The following C8orf89 variants were observed in gnomAD, a reference collection of about 807,000 sequenced individuals.
C8orf89 encodes the protein chromosome 8 open reading frame 89.
In C8orf89, 14 loss-of-function variants were observed where a neutral mutation model predicts 15.8. The observed-to-expected ratio is 0.89, with a 90% confidence interval of 0.59 to 1.39. The LOEUF (loss-of-function observed/expected upper bound fraction) is 1.39, where lower values mean the gene tolerates loss of function less well. Among genes scored for constraint, C8orf89 ranks in the 40% most tolerant of loss-of-function variants. C8orf89 has a pLI of 0.00. For synonymous variants in C8orf89, 55 were observed against 62.2 expected, an observed-to-expected ratio of 0.88 and a Z score of 0.54; for missense variants, 181 against 184.5, an observed-to-expected ratio of 0.98 and a Z score of 0.11.
At chr8:73,242,528 C>T (rs977908104) in intron 3 of C8orf89, among the ~76,000 whole-genome samples, 1 of 152,242 alleles carries the variant, frequency 6.6e-6, no homozygotes, top group Non-Finnish European at 1.5e-5. Context: ...GAAAAGAAGA[C>T]ACGCAAACAG....
chr8:73,277,921 C>G, the C8orf89 span: 1 of 673,988 alleles, frequency 1.5e-6, no homozygotes, highest in Non-Finnish European at 2.8e-6. Context: ...GTGCCGCTTT[C>G]TGGGGCTTAG....
the C8orf89 span, chr8:73,277,781 A>G: frequency 1.4e-6 from 1 of 736,456 alleles, no homozygotes; most frequent in Admixed American, 1.7e-5. Flanking sequence ...CTTCCCCTCA[A>G]CAGAGGAAAC....
upstream of C8orf89, among the ~76,000 whole-genome samples, chr8:73,263,678 G>A (rs1895259): frequency 0.48 from 73,614 of 151,962 alleles, 19,449 homozygotes; most frequent in Middle Eastern, 0.63. Flanking sequence ...GTCATGTCAA[G>A]CATGGAAGAT....
upstream of C8orf89, among the ~76,000 whole-genome samples, chr8:73,260,490 C>T (rs1304407546): frequency 6.6e-6 from 1 of 152,008 alleles, no homozygotes; most frequent in Non-Finnish European, 1.5e-5. Context: ...ACATATGTAA[C>T]AAACCTGCAC....
At chr8:73,244,625 G>C (rs1314953092) in intron 3 of C8orf89, among the ~76,000 whole-genome samples, 3 of 147,976 alleles carry the variant, frequency 2.0e-5, no homozygotes, top group African/African-American at 7.9e-5. Context: ...CTCCAGTGTA[G>C]TTGTTATTTT....
At chr8:73,262,320 C>A (rs561679952), upstream of C8orf89, among the ~76,000 whole-genome samples, 2 of 152,122 alleles carry the variant, frequency 1.3e-5, no homozygotes, top group Non-Finnish European at 2.9e-5. Flanking sequence ...CAGCGGACAT[C>A]TGCATTTCTG....
At chr8:73,284,459 C>T in the C8orf89 span, among the ~76,000 whole-genome samples, 26 of 151,802 alleles carry the variant, frequency 1.7e-4, no homozygotes, top group Admixed American at 1.2e-3. Flanking sequence ...GTGATCTGCC[C>T]GCCTCGGCCT....
the C8orf89 span, among the ~76,000 whole-genome samples, chr8:73,273,752 T>G: frequency 6.6e-6 from 1 of 151,432 alleles, no homozygotes; most frequent in Non-Finnish European, 1.5e-5. Flanking sequence ...ATGCCAGTTT[T>G]TTTTTTTTTT....
intron 3 of C8orf89, among the ~76,000 whole-genome samples, chr8:73,242,957 T>A (rs1426024737): frequency 6.6e-6 from 1 of 151,980 alleles, no homozygotes; most frequent in Non-Finnish European, 1.5e-5. Context: ...ATATACACAA[T>A]GGAGTACTAT....
At chr8:73,242,094 G>C (rs1457143876) in intron 3 of C8orf89, among the ~76,000 whole-genome samples, 2 of 152,124 alleles carry the variant, frequency 1.3e-5, no homozygotes, top group Admixed American at 1.3e-4. Context: ...AAGATTTCCT[G>C]AGTAATACCC....
At chr8:73,273,755 T>C in the C8orf89 span, among the ~76,000 whole-genome samples, 10 of 151,502 alleles carry the variant, frequency 6.6e-5, no homozygotes, top group Middle Eastern at 6.8e-3. Flanking sequence ...CCAGTTTTTT[T>C]TTTTTTTTCT....
the C8orf89 span, among the ~76,000 whole-genome samples, chr8:73,279,202 C>T: frequency 1.3e-5 from 2 of 152,290 alleles, no homozygotes; most frequent in South Asian, 4.1e-4. Context: ...CAGTTAATTT[C>T]CTTACATATT....
chr8:73,265,093 G>A, the C8orf89 span, among the ~76,000 whole-genome samples: 3 of 151,784 alleles, frequency 2.0e-5, no homozygotes, highest in Admixed American at 6.6e-5. Context: ...AAAAAAAAAA[G>A]AATCTAAAAT....
chr8:73,263,643 A>C (rs1813568222), upstream of C8orf89, among the ~76,000 whole-genome samples: 1 of 152,220 alleles, frequency 6.6e-6, no homozygotes, highest in Non-Finnish European at 1.5e-5. Context: ...TCGTTCACTC[A>C]CTTAGCAAAA....
At chr8:73,246,232 C>T (rs1813119247) in intron 3 of C8orf89, among the ~76,000 whole-genome samples, 1 of 152,160 alleles carries the variant, frequency 6.6e-6, no homozygotes, top group Non-Finnish European at 1.5e-5. Context: ...TTACAGAAGA[C>T]TTACTTTGTT....
At chr8:73,241,924 A>G (rs925417928) in intron 3 of C8orf89, among the ~76,000 whole-genome samples, 2 of 152,150 alleles carry the variant, frequency 1.3e-5, no homozygotes, top group African/African-American at 2.4e-5. Flanking sequence ...GGTATTATGG[A>G]TATTATAAAA....
the C8orf89 span, among the ~76,000 whole-genome samples, chr8:73,266,543 G>A: frequency 6.6e-6 from 1 of 152,186 alleles, no homozygotes; most frequent in South Asian, 2.1e-4. Flanking sequence ...TGAACGTACA[G>A]GATCTACCTT....
intron 2 of C8orf89, among the ~76,000 whole-genome samples, chr8:73,254,100 A>T (rs535494172): frequency 3.3e-5 from 5 of 152,186 alleles, no homozygotes; most frequent in Non-Finnish European, 7.3e-5. Context: ...ATTTTGAGAT[A>T]CGTCCCATCA....
the C8orf89 span, among the ~76,000 whole-genome samples, chr8:73,267,199 A>G: frequency 6.6e-6 from 1 of 152,212 alleles, no homozygotes; most frequent in Non-Finnish European, 1.5e-5. Flanking sequence ...TTTTTCCTAT[A>G]TATACATACC....
Sources: allele counts gnomAD v4.1 joint callset (sites outside exome capture counted in the v4.1 genomes callset), GRCh38; gene constraint gnomAD v4.1.1; transcripts MANE v1.5; gene names NCBI Gene and HGNC (gene_info 2026-07-23, HGNC 2026-07-21).